CAPSL: variants seen among roughly 807,000 people sequenced by gnomAD.
The protein encoded by CAPSL is calcyphosine like.
CAPSL carries 17 observed loss-of-function variants against 21.3 expected under a neutral mutation model. That is an observed-to-expected ratio of 0.80 (90% CI 0.55 to 1.20). The LOEUF (loss-of-function observed/expected upper bound fraction) is 1.20, where lower values mean the gene tolerates loss of function less well. CAPSL is among the 50% of genes most tolerant of loss of function. CAPSL has a pLI of 0.00. For missense variants in CAPSL, 289 were observed against 259.3 expected (o/e 1.11, Z -0.79); for synonymous variants, 102 against 89.3 (o/e 1.14, Z -0.80).
intron 2 of CAPSL, among the ~76,000 whole-genome samples, chr5:35,917,103 A>G (rs2149922771): frequency 6.6e-6 from 1 of 152,372 alleles, no homozygotes; most frequent in South Asian, 2.1e-4. Context: ...CAGCCAAAAG[A>G]CATATGAAAA....
chr5:35,909,828 T>C (rs769039195), intron 4 of CAPSL, 38 bp downstream of exon 4: 1 of 1,534,600 alleles, frequency 6.5e-7, no homozygotes, highest in African/African-American at 1.4e-5. Flanking sequence ...CAATTTCGAA[T>C]TGAAGAAATT....
chr5:35,916,612 G>A (rs895345269), intron 2 of CAPSL, among the ~76,000 whole-genome samples: 8 of 152,180 alleles, frequency 5.3e-5, no homozygotes, highest in African/African-American at 1.9e-4. Context: ...AAGTAATGGG[G>A]AAAGGATTGC....
chr5:35,929,347 C>T lies in CAPSL; in HGVS notation c.1-8227G>A, dbSNP rs558314418. Among the ~76,000 whole-genome samples, 7 of 141,838 alleles carry T rather than the reference C, an allele frequency of 4.9e-5. No individual in the cohort carries two copies. The South Asian group carries it at 1.2e-3, about 24-fold the overall frequency. 93.1% of individuals were successfully genotyped at this position (141,838 alleles called of 152,430 possible). A position where few individuals can be genotyped will look rare whatever the true frequency, so the allele number is the denominator to read the frequency against. ...TTGCCCAGGCTGGAGTACAGTGGTG[C>T]GTTCTCAGCTCACTGCAACCTTGCA... is the stretch of plus-strand genomic sequence containing the variant. On this transcript the variant is annotated intron_variant, in intron 1 of 4. Transcript: ENST00000651391.
intron 1 of CAPSL, among the ~76,000 whole-genome samples, chr5:35,928,549 C>A (rs1035517260): frequency 2.1e-4 from 32 of 152,264 alleles, no homozygotes; most frequent in Admixed American, 2.0e-3. Context: ...GTACCACAAG[C>A]TATGCAAGGC....
intron 4 of CAPSL, among the ~76,000 whole-genome samples, chr5:35,906,376 A>G (rs1760680227): frequency 6.6e-6 from 1 of 152,034 alleles, no homozygotes; most frequent in African/African-American, 2.4e-5. Flanking sequence ...TGGGATGGCC[A>G]AGTAATAGAG....
At chr5:35,917,881 A>T (rs7702587) in intron 2 of CAPSL, among the ~76,000 whole-genome samples, 62,849 of 148,654 alleles carry the variant, frequency 0.42, 13,435 homozygotes, top group African/African-American at 0.49. Flanking sequence ...ATAAAATTTT[A>T]AAAAAAAGCT....
At position 35,906,876 on chromosome 5, in the gene CAPSL, T is replaced by C. The variant is rs531498864; in HGVS notation, c.526-2230A>G. Among the ~76,000 whole-genome samples the C allele has an allele frequency of 6.6e-5, 10 of 152,290 alleles. No homozygotes were observed. In the South Asian group the frequency reaches 1.7e-3, roughly 25 times the overall value. On this transcript the variant is annotated intron_variant, in intron 4 of 4. Coordinates refer to ENST00000651391, the MANE Select transcript of CAPSL (RefSeq NM_001042625.2). Reference sequence around the variant, plus strand: ...CATTAAACCTCACTTGGAAGTCAGATGACGTCAAGCCAGAGGTCAGAGCTA... The same window carrying C: ...CATTAAACCTCACTTGGAAGTCAGACGACGTCAAGCCAGAGGTCAGAGCTA...
At chr5:35,907,602 G>A (rs1263375595) in intron 4 of CAPSL, among the ~76,000 whole-genome samples, 1 of 152,164 alleles carries the variant, frequency 6.6e-6, no homozygotes, top group Non-Finnish European at 1.5e-5. Flanking sequence ...TGAGGTATTA[G>A]TGCAAGATTT....
chr5:35,911,787 C>G (rs184878167), intron 2 of CAPSL, among the ~76,000 whole-genome samples: 263 of 152,232 alleles, frequency 1.7e-3, no homozygotes, highest in African/African-American at 6.2e-3. Context: ...GTCTACAGCT[C>G]CCAGCGTGAG....
chr5:35,917,005 A>T (rs1272079741), intron 2 of CAPSL, among the ~76,000 whole-genome samples: 3 of 152,218 alleles, frequency 2.0e-5, no homozygotes, highest in African/African-American at 7.2e-5. Context: ...CAATGAACTC[A>T]AACAAATTTA....
At chr5:35,931,862 A>T (rs1392866377) in intron 1 of CAPSL, among the ~76,000 whole-genome samples, 1 of 152,232 alleles carries the variant, frequency 6.6e-6, no homozygotes, top group Non-Finnish European at 1.5e-5. Context: ...CCATGAAGTC[A>T]TGACCTCAGA....
intron 2 of CAPSL, among the ~76,000 whole-genome samples, chr5:35,914,549 A>G (rs1738321882): frequency 6.6e-6 from 1 of 152,222 alleles, no homozygotes; most frequent in African/African-American, 2.4e-5. Flanking sequence ...CTCAGGATTA[A>G]GAAACTCACT....
chr5:35,938,189 AGTG>A (rs1454200694), intron 1 of CAPSL, among the ~76,000 whole-genome samples: 6 of 152,232 alleles, frequency 3.9e-5, no homozygotes, highest in Non-Finnish European at 8.8e-5. Context: ...CAGTTTTATC[AGTG>A]GTCATCAGGA....
intron 1 of CAPSL, among the ~76,000 whole-genome samples, chr5:35,927,943 T>C (rs915751436): frequency 9.2e-5 from 14 of 152,174 alleles, no homozygotes; most frequent in Non-Finnish European, 1.5e-5. Context: ...CTTAGTACAG[T>C]TGTGCTGCTA....
chr5:35,935,623 C>T (rs1406029738), intron 1 of CAPSL, among the ~76,000 whole-genome samples: 3 of 152,158 alleles, frequency 2.0e-5, no homozygotes, highest in African/African-American at 2.4e-5. Context: ...ACATGAGCCA[C>T]GGTGCCCAGA....
At chr5:35,935,695 G>A (rs543157310) in intron 1 of CAPSL, among the ~76,000 whole-genome samples, 2 of 152,106 alleles carry the variant, frequency 1.3e-5, no homozygotes, top group South Asian at 4.2e-4. Flanking sequence ...ATTCCAACTT[G>A]CTTCTGACCT....
chr5:35,933,253 T>A (rs852241), intron 1 of CAPSL, among the ~76,000 whole-genome samples: 60,399 of 152,032 alleles, frequency 0.4, 12,744 homozygotes, highest in East Asian at 0.68. Context: ...GTTTTGCAAG[T>A]TTTTCAAAGT....
chr5:35,917,902 A>G (rs1454079521), intron 2 of CAPSL, among the ~76,000 whole-genome samples: 1 of 152,200 alleles, frequency 6.6e-6, no homozygotes, highest in African/African-American at 2.4e-5. Flanking sequence ...TATCGTCATT[A>G]GAGAAATGCA....
At chr5:35,904,849 C>T (rs1760641447) in intron 4 of CAPSL, 1 of 399,444 alleles carries the variant, frequency 2.5e-6, no homozygotes, top group Non-Finnish European at 3.4e-6. Context: ...GAAAGAAAGT[C>T]TTGAAAGTTT....
Sources: gnomAD v4.1 joint callset for allele counts (sites outside exome capture counted in the v4.1 genomes callset) on GRCh38, gnomAD v4.1.1 for gene constraint, MANE v1.5 for transcripts, NCBI Gene and HGNC (gene_info 2026-07-23, HGNC 2026-07-21) for gene names.